CELF2: variants seen among roughly 807,000 people sequenced by gnomAD.
CELF2 encodes the protein CUGBP Elav-like family member 2.
In CELF2, 8 loss-of-function variants were observed where a neutral mutation model predicts 62.6. That is an observed-to-expected ratio of 0.13 (90% CI 0.07 to 0.23). CELF2 has a LOEUF of 0.23. CELF2 is among the 10% of genes least tolerant of loss of function. The pLI, the probability that CELF2 is intolerant of heterozygous loss-of-function variation, is 1.00. For missense variants in CELF2, 333 were observed against 671.0 expected (o/e 0.50, Z 5.56); for synonymous variants, 258 against 250.0 (o/e 1.03, Z -0.30).
chr10:11,202,915 C>G (rs967271883), intron 2 of CELF2, among the ~76,000 whole-genome samples: 1 of 68,930 alleles, frequency 1.5e-5, no homozygotes, highest in South Asian at 4.4e-4. Flanking sequence ...CTCTCTCTCT[C>G]TCTCTCTCTC....
intron 1 of CELF2, among the ~76,000 whole-genome samples, chr10:11,146,848 T>A (rs554338043): frequency 6.6e-6 from 1 of 152,312 alleles, no homozygotes; most frequent in Non-Finnish European, 1.5e-5. Context: ...TGCCTGGACG[T>A]CCTGATAGCA....
At chr10:11,291,824 T>C (rs1207243174) in intron 9 of CELF2, among the ~76,000 whole-genome samples, 2 of 152,230 alleles carry the variant, frequency 1.3e-5, no homozygotes, top group Non-Finnish European at 2.9e-5. Flanking sequence ...TGTCTTCCAT[T>C]CAGCTTGCAA....
At chr10:10,851,006 A>G (rs1186394316) in intron 1 of CELF2, among the ~76,000 whole-genome samples, 1 of 152,050 alleles carries the variant, frequency 6.6e-6, no homozygotes, top group Non-Finnish European at 1.5e-5. Flanking sequence ...GAGTTTTGCC[A>G]TGTTGGCCAA....
chr10:11,084,892 C>T (rs2075012085), intron 1 of CELF2, among the ~76,000 whole-genome samples: 1 of 152,158 alleles, frequency 6.6e-6, no homozygotes, highest in South Asian at 2.1e-4. Flanking sequence ...TTTAAATAAA[C>T]CCAATGATCC....
Position 11,315,407 on chromosome 10 carries a change from A to G in CELF2, c.1096+1149A>G, listed in dbSNP as rs2094887024. On this transcript the variant is annotated intron_variant, in intron 10 of 12. Coordinates refer to ENST00000633077, the MANE Select transcript of CELF2 (RefSeq NM_001326342.2). This position sits in a 1 kb window ranked among gnomAD's most constrained non-coding sequence, Gnocchi z 5.8. ...GACTGTTTTTAAAGGGTGACCAGGC[A>G]GTATACTTTTTTAAAGCAAAATAAT... Among the ~76,000 whole-genome samples the G allele has an allele frequency of 6.6e-6, 1 of 152,216 alleles. No individual in the cohort carries two copies. The highest frequency in any genetic ancestry group is 2.1e-4 in the South Asian group (1 of 4,824).
At chr10:10,742,560 T>A in the CELF2 span, among the ~76,000 whole-genome samples, 2 of 140,998 alleles carry the variant, frequency 1.4e-5, no homozygotes, top group Non-Finnish European at 1.5e-5. Flanking sequence ...AGCACCACAG[T>A]ACTGCAGCAA....
At chr10:11,082,907 T>G (rs972104920) in intron 1 of CELF2, among the ~76,000 whole-genome samples, 7 of 152,204 alleles carry the variant, frequency 4.6e-5, no homozygotes, top group Non-Finnish European at 1.0e-4. Context: ...AACAGCCCCT[T>G]GGTGTGTAAT....
At position 11,266,666 on chromosome 10, in the gene CELF2, C is replaced by A; in HGVS notation, c.607C>A (p.Gln203Lys). Reference sequence around the variant, plus strand: ...TGCAATCAAAGCCATGCATCAGTCTCAGACCATGGAGGTACTGTATCATCT... The same window carrying A: ...TGCAATCAAAGCCATGCATCAGTCTAAGACCATGGAGGTACTGTATCATCT... ...QNAIKAMHQS[Q>K]TMEGCSSPIV... Residue 203 changes from glutamine (Q) to lysine (K), a missense_variant, in exon 6 of 13, where the codon CAG becomes AAG. This residue lies in a region of CELF2 where 253 missense variants were observed against 503.0 expected (regional missense o/e 0.50). Transcript: ENST00000633077. 6.2e-7 allele frequency: 1 copy of A among 1,613,664 alleles called. No homozygotes were observed. The highest frequency in any genetic ancestry group is 8.5e-7 in the Non-Finnish European group (1 of 1,179,660).
chr10:11,115,055 C>A (rs1240680288), intron 1 of CELF2, among the ~76,000 whole-genome samples: 1 of 152,052 alleles, frequency 6.6e-6, no homozygotes, highest in Non-Finnish European at 1.5e-5. Context: ...GAATAAATAC[C>A]GGAAGAATAA....
intron 2 of CELF2, among the ~76,000 whole-genome samples, chr10:10,942,266 G>C (rs2135478722): frequency 6.6e-6 from 1 of 152,262 alleles, no homozygotes; most frequent in East Asian, 1.9e-4. Flanking sequence ...CAGTTTCTTG[G>C]GGTCAGGAAA....
the CELF2 span, among the ~76,000 whole-genome samples, chr10:10,473,419 C>A: frequency 6.6e-6 from 1 of 151,862 alleles, no homozygotes; most frequent in Non-Finnish European, 1.5e-5. Flanking sequence ...TGTAGAACTG[C>A]GATGTGATAT....
chr10:10,686,310 T>TGGGG, the CELF2 span, among the ~76,000 whole-genome samples: 1 of 69,756 alleles, frequency 1.4e-5, no homozygotes, highest in Non-Finnish European at 2.9e-5. Context: ...TTGGATTTTT[T>TGGGG]GGGGGGGGGG....
At chr10:10,471,036 A>G in the CELF2 span, among the ~76,000 whole-genome samples, 13 of 151,478 alleles carry the variant, frequency 8.6e-5, no homozygotes, top group Admixed American at 6.0e-4. Context: ...TGAGAAGAGT[A>G]TTATTTAATT....
At chr10:10,681,904 C>G in the CELF2 span, among the ~76,000 whole-genome samples, 2,424 of 152,304 alleles carry the variant, frequency 0.016, 32 homozygotes, top group African/African-American at 0.035. Flanking sequence ...CATAAAAAAG[C>G]TTACGTGTAG....
the CELF2 span, among the ~76,000 whole-genome samples, chr10:10,574,082 T>C: frequency 7.9e-5 from 12 of 152,152 alleles, no homozygotes; most frequent in Admixed American, 2.6e-4. Flanking sequence ...AAGTTAAAAA[T>C]GGCCTGAATA....
chr10:10,878,207 C>T (rs1023877378), intron 1 of CELF2, among the ~76,000 whole-genome samples: 2 of 152,254 alleles, frequency 1.3e-5, no homozygotes, highest in Non-Finnish European at 2.9e-5. Context: ...TAATAGAATC[C>T]TTCACTCTCT....
intron 8 of CELF2, among the ~76,000 whole-genome samples, chr10:11,286,643 G>A (rs2091386938): frequency 6.6e-6 from 1 of 152,180 alleles, no homozygotes; most frequent in South Asian, 2.1e-4. Context: ...TGAGACCAGG[G>A]CCTCTCAACA....
the CELF2 span, among the ~76,000 whole-genome samples, chr10:10,624,296 A>G: frequency 6.6e-6 from 1 of 152,216 alleles, no homozygotes; most frequent in African/African-American, 2.4e-5. Context: ...ACAGTCCTCA[A>G]CTAGAAATGC....
At chr10:11,272,203 T>A (rs1269931412) in intron 7 of CELF2, among the ~76,000 whole-genome samples, 1 of 152,278 alleles carries the variant, frequency 6.6e-6, no homozygotes, top group African/African-American at 2.4e-5. Context: ...CCCATCACTT[T>A]CTGTCCATTT....
Sources: allele counts gnomAD v4.1 joint callset (sites outside exome capture counted in the v4.1 genomes callset), GRCh38; gene constraint gnomAD v4.1.1; regional missense constraint gnomAD v4.1.1; non-coding constraint Gnocchi (gnomAD v3.1); transcripts MANE v1.5; gene names NCBI Gene and HGNC (gene_info 2026-07-23, HGNC 2026-07-21).